Variants in KLF17 observed in about 807,000 individuals in gnomAD.
KLF17 encodes Krueppel-like factor 17.
A neutral mutation model predicts 34.2 loss-of-function variants in KLF17; 31 were observed. That is an observed-to-expected ratio of 0.91 (90% CI 0.68 to 1.22). The LOEUF is 1.22. Among genes scored for constraint, KLF17 ranks in the 50% most tolerant of loss-of-function variants. The pLI, the probability that KLF17 is intolerant of heterozygous loss-of-function variation, is 0.00. For missense variants in KLF17, 478 were observed against 505.2 expected (o/e 0.95, Z 0.52); for synonymous variants, 179 against 186.7 (o/e 0.96, Z 0.34).
the KLF17 span, among the ~76,000 whole-genome samples, chr1:44,080,346 C>T: frequency 6.8e-6 from 1 of 147,990 alleles, no homozygotes; most frequent in South Asian, 2.1e-4. Flanking sequence ...TCACACCGTT[C>T]TCCAGCCTCA....
chr1:44,122,601 G>GT, intron 1 of KLF17: 2 of 705,054 alleles, frequency 2.8e-6, no homozygotes, highest in Non-Finnish European at 2.6e-6. Context: ...GGCCGTTTTT[G>GT]GTTTTTTTTT....
At chr1:44,090,569 G>A in the KLF17 span, among the ~76,000 whole-genome samples, 4 of 152,136 alleles carry the variant, frequency 2.6e-5, no homozygotes, top group East Asian at 5.8e-4. Flanking sequence ...GGTAACAGCA[G>A]GCCAAAGATT....
the KLF17 span, among the ~76,000 whole-genome samples, chr1:44,049,772 C>T: frequency 2.0e-5 from 3 of 152,176 alleles, no homozygotes; most frequent in South Asian, 4.1e-4. Context: ...CGTGAGCCGC[C>T]GTACCCGGCC....
the KLF17 span, chr1:44,104,448 A>G: frequency 1.2e-6 from 1 of 820,386 alleles, no homozygotes; most frequent in Non-Finnish European, 2.2e-6. Context: ...CAGGAACCGC[A>G]CCTTGTCGAT....
the KLF17 span, among the ~76,000 whole-genome samples, chr1:44,085,298 GAAAT>G: frequency 2.0e-5 from 3 of 152,150 alleles, no homozygotes; most frequent in Non-Finnish European, 4.4e-5. Context: ...CCTACAGAGA[GAAAT>G]AAAGGAAGGA....
intron 3 of KLF17, among the ~76,000 whole-genome samples, chr1:44,132,586 C>T (rs2088124631): frequency 1.3e-5 from 2 of 152,162 alleles, no homozygotes; most frequent in South Asian, 4.1e-4. Flanking sequence ...CTTCCAATGC[C>T]TTGGGTTTGC....
chr1:44,062,589 T>G, the KLF17 span, among the ~76,000 whole-genome samples: 3 of 150,572 alleles, frequency 2.0e-5, no homozygotes, highest in Admixed American at 2.0e-4. Flanking sequence ...CGTGTAGTGG[T>G]GCATGCCTAT....
chr1:44,132,198 C>T lies in KLF17; in HGVS notation c.*1-1040C>T, dbSNP rs370143132. Reference sequence around the variant, plus strand: ...GCGTGCGCCTGTAGTCCCAGTTATTCGAGAGGCTGAGGCAGGAGAATGGCT... The same window carrying T: ...GCGTGCGCCTGTAGTCCCAGTTATTTGAGAGGCTGAGGCAGGAGAATGGCT... On this transcript the variant is annotated intron_variant, in intron 3 of 3. Coordinates refer to ENST00000372299, the MANE Select transcript of KLF17 (RefSeq NM_173484.4). Among the ~76,000 whole-genome samples, 37 of 152,002 alleles carry T rather than the reference C, an allele frequency of 2.4e-4. No individual in the cohort carries two copies. The East Asian group carries it at 5.8e-3, about 24-fold the overall frequency.
the KLF17 span, among the ~76,000 whole-genome samples, chr1:44,110,058 C>T: frequency 6.6e-6 from 1 of 151,956 alleles, no homozygotes; most frequent in Non-Finnish European, 1.5e-5. Flanking sequence ...AGGCATGTGC[C>T]ACCACGCCTG....
chr1:44,058,967 A>C, the KLF17 span, among the ~76,000 whole-genome samples: 1 of 152,072 alleles, frequency 6.6e-6, no homozygotes, highest in Admixed American at 6.5e-5. Flanking sequence ...GTCTTAGTAA[A>C]AACTTGGAAA....
rs149698028 is a variant in KLF17, at chr1:44,129,941, C to G, written c.670C>G (p.Pro224Ala). The change falls in exon 2 of 4, where the codon CCA becomes GCA. Residue 224 changes from proline (P) to alanine (A), a missense_variant. By Grantham distance (27) the Pro-to-Ala change is conservative (BLOSUM62 -1). Transcript: ENST00000372299. ...AGATGCCCATGACCTTGGGATGCCC[C>G]CAGCTGAGTCCCAGTCATTGCTGGT... ...PQDAHDLGMP[P>A]AESQSLLVLG... The G allele has an allele frequency of 6.3e-5, 102 of 1,614,080 alleles. No homozygotes were observed. The highest frequency in any genetic ancestry group is 8.5e-5 in the Non-Finnish European group (100 of 1,180,046).
chr1:44,046,674 G>A, the KLF17 span, among the ~76,000 whole-genome samples: 2 of 152,172 alleles, frequency 1.3e-5, no homozygotes, highest in Non-Finnish European at 2.9e-5. Flanking sequence ...TCAAGTCCAT[G>A]TGGCTAGTAA....
chr1:44,089,054 AAG>A, the KLF17 span, among the ~76,000 whole-genome samples: 1 of 152,158 alleles, frequency 6.6e-6, no homozygotes, highest in Non-Finnish European at 1.5e-5. Flanking sequence ...AATGGTGCTG[AAG>A]AGAGTCACAG....
chr1:44,054,394 A>G, the KLF17 span, among the ~76,000 whole-genome samples: 2 of 152,004 alleles, frequency 1.3e-5, no homozygotes, highest in Non-Finnish European at 1.5e-5. Flanking sequence ...CACCCCAGGA[A>G]AATATGGGAA....
chr1:44,108,953 C>T, the KLF17 span, among the ~76,000 whole-genome samples: 2 of 152,108 alleles, frequency 1.3e-5, no homozygotes, highest in Non-Finnish European at 2.9e-5. Context: ...AGGCATGAGC[C>T]ACCGCACCCA....
the KLF17 span, among the ~76,000 whole-genome samples, chr1:44,054,114 G>A: frequency 6.6e-6 from 1 of 152,172 alleles, no homozygotes; most frequent in Non-Finnish European, 1.5e-5. Context: ...CCGTTTTCTT[G>A]GGGCACTCAG....
At chr1:44,044,521 G>C in the KLF17 span, 1 of 152,340 alleles carries the variant, frequency 6.6e-6, no homozygotes, top group Non-Finnish European at 1.5e-5. Context: ...ATGTGTGGCT[G>C]TGTCTGGAGG....
chr1:44,102,331 C>A, the KLF17 span, among the ~76,000 whole-genome samples: 1 of 152,010 alleles, frequency 6.6e-6, no homozygotes, highest in Non-Finnish European at 1.5e-5. Flanking sequence ...GCGGACAGAT[C>A]ACTTGCGGTC....
the KLF17 span, among the ~76,000 whole-genome samples, chr1:44,108,503 T>C: frequency 2.0e-5 from 3 of 151,844 alleles, no homozygotes; most frequent in African/African-American, 7.3e-5. Context: ...CGCATTCAAG[T>C]TGAATTTGTG....
Sources: gnomAD v4.1 joint callset for allele counts (sites outside exome capture counted in the v4.1 genomes callset) on GRCh38, gnomAD v4.1.1 for gene constraint, MANE v1.5 for transcripts, NCBI Gene and HGNC (gene_info 2026-07-23, HGNC 2026-07-21) for gene names.